Variants in CDK8 observed in about 807,000 individuals in gnomAD.
CDK8 encodes the protein cyclin-dependent kinase 8.
A neutral mutation model predicts 71.5 loss-of-function variants in CDK8; 29 were observed. The observed-to-expected ratio is 0.41, with a 90% CI of 0.30 to 0.55. The LOEUF (loss-of-function observed/expected upper bound fraction) is 0.55, where lower values mean the gene tolerates loss of function less well. Among genes scored for constraint, CDK8 ranks in the 20% least tolerant of loss-of-function variants. The pLI, the probability that CDK8 is intolerant of heterozygous loss-of-function variation, is 0.37. For synonymous variants in CDK8, 161 were observed against 192.1 expected (o/e 0.84, Z 1.34); for missense variants, 288 against 572.6 (o/e 0.50, Z 5.07).
At chr13:26,272,597 GGGA>G (rs1260031540) in intron 1 of CDK8, among the ~76,000 whole-genome samples, 3 of 152,106 alleles carry the variant, frequency 2.0e-5, no homozygotes, top group African/African-American at 7.2e-5. Flanking sequence ...TGACCTCTTG[GGGA>G]TGAAGAAAGA....
At chr13:26,320,121 C>T (rs1320166413) in intron 1 of CDK8, among the ~76,000 whole-genome samples, 1 of 151,900 alleles carries the variant, frequency 6.6e-6, no homozygotes, top group Non-Finnish European at 1.5e-5. Flanking sequence ...AAACTCTAGC[C>T]AGATGTAGTG....
chr13:26,312,858 A>T (rs978369047), intron 1 of CDK8, among the ~76,000 whole-genome samples: 1 of 152,150 alleles, frequency 6.6e-6, no homozygotes, highest in African/African-American at 2.4e-5. Flanking sequence ...TGTATATTTA[A>T]TAAATTTCCT....
chr13:26,357,582 C>T (rs1873946984), intron 4 of CDK8, among the ~76,000 whole-genome samples: 1 of 152,126 alleles, frequency 6.6e-6, no homozygotes, highest in Non-Finnish European at 1.5e-5. Context: ...CTACTATAGT[C>T]CTGGTTCTGG....
Position 26,258,509 on chromosome 13 carries a change from G to A in CDK8, c.128+3740G>A, listed in dbSNP as rs1871628287. Reference sequence around the variant, plus strand: ...TCTAGAGGGGTGTGTGTGTGTGTGTGTGTGTAGGACTAAACTCTAATGAAA... The same window carrying A: ...TCTAGAGGGGTGTGTGTGTGTGTGTATGTGTAGGACTAAACTCTAATGAAA... On this transcript the variant is annotated intron_variant, in intron 1 of 12. Coordinates refer to ENST00000381527, the MANE Select transcript of CDK8 (RefSeq NM_001260.3). Among the ~76,000 whole-genome samples the A allele has an allele frequency of 2.0e-5, 3 of 151,860 alleles. No homozygotes were observed. In the South Asian group the frequency reaches 6.2e-4, roughly 32 times the overall value.
At chr13:26,300,715 G>A (rs967187207) in intron 1 of CDK8, among the ~76,000 whole-genome samples, 1 of 152,162 alleles carries the variant, frequency 6.6e-6, no homozygotes, top group Non-Finnish European at 1.5e-5. Flanking sequence ...TTGAGGACTT[G>A]TTGAAAAATT....
chr13:26,262,819 T>A (rs1871830808), intron 1 of CDK8, among the ~76,000 whole-genome samples: 1 of 152,256 alleles, frequency 6.6e-6, no homozygotes, highest in South Asian at 2.1e-4. Context: ...ATTTGAAATT[T>A]ACCTTTTGTT....
intron 1 of CDK8, among the ~76,000 whole-genome samples, chr13:26,329,535 A>G (rs1350904766): frequency 1.4e-5 from 2 of 138,678 alleles, no homozygotes; most frequent in Non-Finnish European, 1.5e-5. Context: ...AGAATTTTGC[A>G]CTTGTCGCCC....
chr13:26,298,432 G>T (rs1593247820), intron 1 of CDK8, among the ~76,000 whole-genome samples: 1 of 152,138 alleles, frequency 6.6e-6, no homozygotes, highest in Admixed American at 6.5e-5. Context: ...CTTTCTTGAG[G>T]TGAGGTGGAC....
rs556344335 is a variant in CDK8 at position 26,395,355 on chromosome 13, T to G, written c.791-930T>G. 1.4e-4 allele frequency among the ~76,000 whole-genome samples: 22 copies of G among 151,910 alleles called. 1 individual carries two copies. The South Asian group carries it at 4.4e-3, about 30-fold the overall frequency. ...AATGTATTACAGGCATGGGATTACA[T>G]GCCTGTAATCCCAGCTACTCTGGAG... On this transcript the variant is annotated intron_variant, in intron 7 of 12. Transcript: ENST00000381527.
intron 2 of CDK8, among the ~76,000 whole-genome samples, chr13:26,345,383 T>G (rs1173547545): frequency 6.6e-6 from 1 of 152,032 alleles, no homozygotes; most frequent in East Asian, 1.9e-4. Flanking sequence ...GTAGATTGGT[T>G]TTTGTTTTTT....
chr13:26,402,647 G>C (rs1420323094), intron 12 of CDK8, among the ~76,000 whole-genome samples: 1 of 152,208 alleles, frequency 6.6e-6, no homozygotes, highest in African/African-American at 2.4e-5. Flanking sequence ...AGCTAAACAA[G>C]GACACCAAGG....
chr13:26,339,181 T>G (rs1873117869), intron 2 of CDK8, among the ~76,000 whole-genome samples: 1 of 152,242 alleles, frequency 6.6e-6, no homozygotes, highest in Non-Finnish European at 1.5e-5. Context: ...TGTATGTGGC[T>G]GAAGAAATCT....
At chr13:26,397,265 C>T in intron 9 of CDK8, 40 bp downstream of exon 9, 1 of 1,298,936 alleles carries the variant, frequency 7.7e-7, no homozygotes, top group East Asian at 2.3e-5. Flanking sequence ...TGCATTTTTT[C>T]CTTAATTGAC....
intron 1 of CDK8, among the ~76,000 whole-genome samples, chr13:26,300,836 C>A (rs9581629): frequency 0.11 from 16,480 of 152,064 alleles, 2,641 homozygotes; most frequent in African/African-American, 0.35. Context: ...AATTAAGACA[C>A]AGGTTTGTAA....
chr13:26,383,507 A>AT (rs377107517), intron 5 of CDK8, among the ~76,000 whole-genome samples: 9 of 152,002 alleles, frequency 5.9e-5, no homozygotes, highest in South Asian at 2.1e-4. Flanking sequence ...ATTTAATCTG[A>AT]TTTTTTTTCA....
intron 1 of CDK8, among the ~76,000 whole-genome samples, chr13:26,335,566 A>G (rs769577236): frequency 6.6e-6 from 1 of 152,046 alleles, no homozygotes. Flanking sequence ...AACTCAGCCT[A>G]CACAGAATGG....
At chr13:26,336,240 C>T (rs913551288) in intron 1 of CDK8, among the ~76,000 whole-genome samples, 1 of 152,130 alleles carries the variant, frequency 6.6e-6, no homozygotes, top group Non-Finnish European at 1.5e-5. Context: ...AAGGTCAACA[C>T]TATTTTTGTA....
intron 2 of CDK8, among the ~76,000 whole-genome samples, chr13:26,338,702 G>A (rs375421876): frequency 2.9e-4 from 44 of 152,164 alleles, no homozygotes; most frequent in African/African-American, 1.0e-3. Context: ...CTTGAGACCA[G>A]GTGTCTGTAT....
intron 1 of CDK8, among the ~76,000 whole-genome samples, chr13:26,263,595 C>T (rs958792792): frequency 1.3e-5 from 2 of 151,972 alleles, no homozygotes; most frequent in African/African-American, 4.8e-5. Flanking sequence ...GCATGTGCCA[C>T]CAGCCTGGCA....
Sources: gnomAD v4.1 joint callset for allele counts (sites outside exome capture counted in the v4.1 genomes callset) on GRCh38, gnomAD v4.1.1 for gene constraint, MANE v1.5 for transcripts, NCBI Gene and HGNC (gene_info 2026-07-23, HGNC 2026-07-21) for gene names.